Variants in STRN observed in about 807,000 individuals in gnomAD.
STRN encodes protein phosphatase 2 regulatory subunit B'''alpha.
Under a neutral mutation model 96.3 loss-of-function variants are expected in STRN, and 53 were observed. That is an observed-to-expected ratio of 0.55 (90% confidence interval 0.44 to 0.69). The LOEUF (loss-of-function observed/expected upper bound fraction) is 0.69. Ranked by LOEUF, STRN falls within the 30% of genes least tolerant of loss-of-function variation. The probability of loss-of-function intolerance (pLI) is 0.00; values close to 1 mark genes in which losing one functional copy is unlikely to be tolerated. For missense variants in STRN, 987 were observed against 963.9 expected (o/e 1.02, Z -0.32); for synonymous variants, 428 against 355.9 (o/e 1.20, Z -2.28).
At chr2:36,916,610 A>G (rs1453040557) in intron 2 of STRN, among the ~76,000 whole-genome samples, 2 of 152,326 alleles carry the variant, frequency 1.3e-5, no homozygotes, top group Admixed American at 6.5e-5. Flanking sequence ...CTTGTCAGAT[A>G]ATCATGATTT....
chr2:36,955,999 C>G (rs769294577), intron 1 of STRN, among the ~76,000 whole-genome samples: 2 of 152,166 alleles, frequency 1.3e-5, no homozygotes, highest in Non-Finnish European at 2.9e-5. Flanking sequence ...ACCTGCCACA[C>G]GAGGTCAGGT....
chr2:36,915,988 T>G, intron 3 of STRN, 90 bp downstream of exon 3: 1 of 1,165,202 alleles, frequency 8.6e-7, no homozygotes, highest in East Asian at 2.5e-5. Context: ...CACAAATAAT[T>G]AGAAAGTAAC....
chr2:36,903,563 G>A (rs780829682), intron 4 of STRN, among the ~76,000 whole-genome samples: 5 of 152,146 alleles, frequency 3.3e-5, no homozygotes, highest in Non-Finnish European at 5.9e-5. Context: ...TAATAAAAAC[G>A]ACAGACAAAC....
At chr2:36,952,044 TAC>T (rs1056547548) in intron 1 of STRN, among the ~76,000 whole-genome samples, 2 of 151,948 alleles carry the variant, frequency 1.3e-5, no homozygotes, top group Non-Finnish European at 2.9e-5. Flanking sequence ...GTCCCGAAAA[TAC>T]ACACGCACGC....
At chr2:36,908,622 T>C (rs1669882077) in intron 3 of STRN, among the ~76,000 whole-genome samples, 1 of 152,118 alleles carries the variant, frequency 6.6e-6, no homozygotes, top group Non-Finnish European at 1.5e-5. Flanking sequence ...ATGTACCCTA[T>C]CCTCTTAAAA....
At position 36,841,671 on chromosome 2, in the gene STRN, C is replaced by T. The variant is rs1667955053; in HGVS notation, c.*7785G>A. ...GGATATTTCTTACATGCCTGGTCTTCATCCTGACATATGCAGATGACACAA... is the reference window on the plus strand; with the variant it reads ...GGATATTTCTTACATGCCTGGTCTTTATCCTGACATATGCAGATGACACAA... On this transcript the variant is annotated 3_prime_UTR_variant, in exon 18 of 18. Coordinates refer to ENST00000263918, the MANE Select transcript of STRN (RefSeq NM_003162.4). 6.6e-6 allele frequency: 1 copy of T among 152,232 alleles called. No homozygotes were observed. The highest frequency in any genetic ancestry group is 2.4e-5 in the African/African-American group (1 of 41,452). The allele number at this position is 152,232 out of a possible 1,614,324, so 9.4% of individuals were successfully genotyped here.
At chr2:36,884,224 G>A in intron 8 of STRN, 149 bp from the exon 9 acceptor site, 1 of 778,240 alleles carries the variant, frequency 1.3e-6, no homozygotes. Flanking sequence ...TTATTTTCAA[G>A]TTTTCAAATT....
At position 36,883,990 on chromosome 2, in the gene STRN, T is replaced by G. The variant is rs1194100556; in HGVS notation, c.1128A>C (p.Ser376=). ...ELPSLQPSVG[S]PSRPSSSRLP... ...GCCTGGAGCTGCTGGGTCTGGAAGG[T>G]GAACCCACAGATGGCTGCAATGAAG... Residue 376 remains serine (S), a synonymous_variant, in exon 9 of 18, where the codon TCA becomes TCC. Transcript: ENST00000263918. 5 of 1,444,848 alleles carry G rather than the reference T, an allele frequency of 3.5e-6. No homozygotes were observed. The highest frequency in any genetic ancestry group is 4.6e-6 in the Non-Finnish European group (5 of 1,094,230). The allele number at this position is 1,444,848 out of a possible 1,614,324, so 89.5% of individuals were successfully genotyped here. A position where few individuals can be genotyped will look rare whatever the true frequency, so the allele number is the denominator to read the frequency against.
chr2:36,855,102 G>C lies in STRN; in HGVS notation c.1978+110C>G, dbSNP rs182178015. On this transcript the variant is annotated intron_variant, in intron 15 of 17. Transcript: ENST00000263918. ...TAAGTAACTGTGTTCTGAAAGTTAAGAGACAGAAAGCTTTATAATGACAAA... is the reference window on the plus strand; with the variant it reads ...TAAGTAACTGTGTTCTGAAAGTTAACAGACAGAAAGCTTTATAATGACAAA... 6.2e-6 allele frequency: 7 copies of C among 1,136,158 alleles called. No individual in the cohort carries two copies. In the South Asian group the frequency reaches 9.8e-5, roughly 16 times the overall value. 70.4% of individuals were successfully genotyped at this position (1,136,158 alleles called of 1,614,324 possible).
chr2:36,858,914 G>C (rs559613807), intron 13 of STRN, among the ~76,000 whole-genome samples: 1 of 152,188 alleles, frequency 6.6e-6, no homozygotes, highest in African/African-American at 2.4e-5. Context: ...ACTGGAATGA[G>C]TGAGAACTTG....
rs1476921113 is a variant in STRN at position 36,841,374 on chromosome 2, A to G, written c.*8082T>C. The G allele has an allele frequency of 6.6e-6, 1 of 152,166 alleles. No individual in the cohort carries two copies. Among genetic ancestry groups the G allele is most frequent in the Non-Finnish European group, 1.5e-5 (1 of 68,030 alleles). 9.4% of individuals were successfully genotyped at this position (152,166 alleles called of 1,614,324 possible). Reference sequence around the variant, plus strand: ...ACCACATAAGAAAGCATTCTTACATAGCAGTTGAGTACTGGGAAGGTTGTT... The same window carrying G: ...ACCACATAAGAAAGCATTCTTACATGGCAGTTGAGTACTGGGAAGGTTGTT... On this transcript the variant is annotated 3_prime_UTR_variant, in exon 18 of 18. Coordinates refer to ENST00000263918, the MANE Select transcript of STRN (RefSeq NM_003162.4).
chr2:36,889,612 T>G, intron 7 of STRN, among the ~76,000 whole-genome samples: 1 of 115,496 alleles, frequency 8.7e-6, no homozygotes, highest in Non-Finnish European at 1.7e-5. Flanking sequence ...ATATTCTTCT[T>G]TTTTTTGGGG....
chr2:36,852,629 G>A (rs895052301), intron 15 of STRN, among the ~76,000 whole-genome samples: 4 of 152,120 alleles, frequency 2.6e-5, no homozygotes, highest in Non-Finnish European at 4.4e-5. Context: ...AGAAGTTCTC[G>A]TACTATTTTT....
Position 36,870,894 on chromosome 2 carries a change from A to G in STRN, c.1324-1165T>C, listed in dbSNP as rs900212849. 3.8e-4 allele frequency among the ~76,000 whole-genome samples: 58 copies of G among 152,204 alleles called. 1 individual carries two copies. The highest frequency in any genetic ancestry group is 1.5e-4 in the Non-Finnish European group (10 of 68,026). ...GTGGGACAAGATGTGGAGGTAGAAG[A>G]GAGTGATACTGATGATCCTGACCCT... On this transcript the variant is annotated intron_variant, in intron 10 of 17. Transcript: ENST00000263918.
intron 2 of STRN, among the ~76,000 whole-genome samples, chr2:36,916,967 A>T (rs1670116429): frequency 6.6e-6 from 1 of 151,968 alleles, no homozygotes; most frequent in Admixed American, 6.5e-5. Context: ...TGGCTCCCTA[A>T]AATATTGAGG....
chr2:36,951,959 A>G (rs956325108), intron 1 of STRN, among the ~76,000 whole-genome samples: 1 of 152,240 alleles, frequency 6.6e-6, no homozygotes, highest in Non-Finnish European at 1.5e-5. Flanking sequence ...TACTGTGAAC[A>G]GCCCATGCGA....
intron 13 of STRN, among the ~76,000 whole-genome samples, chr2:36,860,244 T>C (rs1668442088): frequency 6.6e-6 from 1 of 151,924 alleles, no homozygotes. Flanking sequence ...GAAACTAAAA[T>C]GAATAAAGTC....
chr2:36,933,077 CACACACACAT>C (rs1166169146), intron 1 of STRN, among the ~76,000 whole-genome samples: 31 of 151,566 alleles, frequency 2.0e-4, no homozygotes, highest in African/African-American at 7.0e-4. Flanking sequence ...CACACACACA[CACACACACAT>C]ATATATGCAG....
chr2:36,838,330 C>T lies in STRN; in HGVS notation c.*11126G>A, dbSNP rs1667867830. 6.6e-6 allele frequency among the ~76,000 whole-genome samples: 1 copy of T among 152,154 alleles called. No individual in the cohort carries two copies. The highest frequency in any genetic ancestry group is 6.5e-5 in the Admixed American group (1 of 15,270). On this transcript the variant is annotated 3_prime_UTR_variant, in exon 18 of 18. Coordinates refer to ENST00000263918, the MANE Select transcript of STRN (RefSeq NM_003162.4). ...TTAGTTGAGTACCCACCCTGGAAGA[C>T]ACTTTCATTTCAGCCTTGTTGGGCC...
Sources: allele counts gnomAD v4.1 joint callset (sites outside exome capture counted in the v4.1 genomes callset), GRCh38; gene constraint gnomAD v4.1.1; transcripts MANE v1.5; gene names NCBI Gene and HGNC (gene_info 2026-07-23, HGNC 2026-07-21).